Variants in CWC27 observed in about 807,000 individuals in gnomAD.
The protein encoded by CWC27 is CWC27 spliceosome associated cyclophilin.
CWC27 carries 47 observed loss-of-function variants against 63.6 expected under a neutral mutation model. The observed-to-expected ratio is 0.74, with a 90% confidence interval of 0.58 to 0.94. The LOEUF (loss-of-function observed/expected upper bound fraction) is 0.94, where lower values mean the gene tolerates loss of function less well. Ranked by LOEUF, CWC27 falls within the 40% of genes least tolerant of loss-of-function variation. CWC27 has a pLI of 0.00. For synonymous variants in CWC27, 175 were observed against 179.8 expected, an observed-to-expected ratio of 0.97 and a Z score of 0.22; for missense variants, 495 against 554.3, an observed-to-expected ratio of 0.89 and a Z score of 1.07.
chr5:64,876,038 G>A (rs555128739), intron 10 of CWC27, among the ~76,000 whole-genome samples: 5 of 152,092 alleles, frequency 3.3e-5, no homozygotes, highest in Admixed American at 1.3e-4. Context: ...TGTCCAATGC[G>A]GTACTGCTAG....
At chr5:64,885,737 GTT>G (rs1554074488) in intron 11 of CWC27, among the ~76,000 whole-genome samples, 191 bp downstream of exon 11, 8 of 141,652 alleles carry the variant, frequency 5.6e-5, no homozygotes, top group African/African-American at 2.1e-4. Context: ...GTGTGTGTGT[GTT>G]TTTAATACTT....
intron 6 of CWC27, among the ~76,000 whole-genome samples, chr5:64,787,250 T>C (rs1743921193): frequency 6.8e-6 from 1 of 147,004 alleles, no homozygotes; most frequent in Non-Finnish European, 1.5e-5. Context: ...GTTTGTTTGT[T>C]TTCCTAAATG....
chr5:64,924,538 C>T lies in CWC27; in HGVS notation c.1042+38992C>T, dbSNP rs180993488. On this transcript the variant is annotated intron_variant, in intron 11 of 13. Coordinates refer to ENST00000381070, the MANE Select transcript of CWC27 (RefSeq NM_005869.4). ...ATCTGCAGCAGCCTCTTCCTTCTAA[C>T]GGCAGTCTTCTTTTATCCTCCTATA... 3.9e-5 allele frequency among the ~76,000 whole-genome samples: 6 copies of T among 152,332 alleles called. No individual in the cohort carries two copies. The East Asian group carries it at 5.8e-4, about 15-fold the overall frequency.
chr5:64,837,486 G>A (rs912662171), intron 10 of CWC27, among the ~76,000 whole-genome samples: 4 of 151,694 alleles, frequency 2.6e-5, no homozygotes, highest in African/African-American at 9.7e-5. Flanking sequence ...AAACTCATGA[G>A]AAGATTCAAA....
At chr5:64,985,524 G>A (rs2112453561) in intron 13 of CWC27, among the ~76,000 whole-genome samples, 2 of 152,188 alleles carry the variant, frequency 1.3e-5, no homozygotes, top group East Asian at 3.9e-4. Context: ...TGTTTGTGGA[G>A]CTGTTATAAA....
chr5:64,927,331 A>C (rs534710051), intron 11 of CWC27, among the ~76,000 whole-genome samples: 1 of 152,326 alleles, frequency 6.6e-6, no homozygotes, highest in South Asian at 2.1e-4. Flanking sequence ...TGACGTTTAT[A>C]TTGTTCATTC....
intron 11 of CWC27, among the ~76,000 whole-genome samples, chr5:64,957,650 T>G (rs1748828094): frequency 6.6e-6 from 1 of 152,128 alleles, no homozygotes; most frequent in South Asian, 2.1e-4. Context: ...TACAGAAACA[T>G]CTGTAAAAAG....
chr5:64,985,096 G>T (rs1276276828), intron 13 of CWC27, among the ~76,000 whole-genome samples: 1 of 152,034 alleles, frequency 6.6e-6, no homozygotes, highest in East Asian at 1.9e-4. Context: ...TATTAATATG[G>T]GTCTTTTCTT....
At chr5:64,919,636 C>G (rs1282214440) in intron 11 of CWC27, among the ~76,000 whole-genome samples, 2 of 152,124 alleles carry the variant, frequency 1.3e-5, no homozygotes, top group Non-Finnish European at 2.9e-5. Flanking sequence ...TGTTAGTTAC[C>G]TTAGGATAAT....
intron 10 of CWC27, among the ~76,000 whole-genome samples, chr5:64,820,084 A>G (rs1194502514): frequency 6.6e-6 from 1 of 152,234 alleles, no homozygotes; most frequent in Non-Finnish European, 1.5e-5. Flanking sequence ...TAATATTTTA[A>G]GAGTGTTTGA....
chr5:64,961,922 T>C (rs1398354848), intron 11 of CWC27, among the ~76,000 whole-genome samples: 4 of 152,194 alleles, frequency 2.6e-5, no homozygotes, highest in Non-Finnish European at 1.5e-5. Context: ...CATTACTATC[T>C]GTTTAGCATG....
intron 12 of CWC27, among the ~76,000 whole-genome samples, chr5:64,973,383 G>T (rs1403894046): frequency 6.6e-6 from 1 of 152,202 alleles, no homozygotes; most frequent in Non-Finnish European, 1.5e-5. Flanking sequence ...CCAGTTGGGA[G>T]ACTCTTGTGT....
At position 64,917,955 on chromosome 5, in the gene CWC27, TAC is replaced by T. The variant is rs531972268; in HGVS notation, c.1042+32423_1042+32424del. ...ATACATACACACACACACACAAACA[TAC>T]ACACACACACACATTGGTTGTATAT... On this transcript the variant is annotated intron_variant, in intron 11 of 13. Transcript: ENST00000381070. Among the ~76,000 whole-genome samples, 7 of 150,774 alleles carry T rather than the reference TAC, an allele frequency of 4.6e-5. No individual in the cohort carries two copies. In the East Asian group the frequency reaches 9.8e-4, roughly 21 times the overall value.
intron 11 of CWC27, among the ~76,000 whole-genome samples, chr5:64,893,584 AG>A (rs35196318): frequency 0.36 from 55,249 of 151,968 alleles, 10,616 homozygotes; most frequent in East Asian, 0.52. Flanking sequence ...CACAAAACTC[AG>A]ATAATCCCTA....
intron 11 of CWC27, among the ~76,000 whole-genome samples, chr5:64,911,696 G>T (rs536622358): frequency 1.9e-3 from 287 of 152,226 alleles, no homozygotes; most frequent in African/African-American, 6.6e-3. Flanking sequence ...GAAGTCCAGG[G>T]TCTGCTAAGG....
At chr5:64,845,879 A>T (rs564977446) in intron 10 of CWC27, among the ~76,000 whole-genome samples, 3 of 152,362 alleles carry the variant, frequency 2.0e-5, no homozygotes, top group Admixed American at 6.5e-5. Context: ...AGGTACAAGA[A>T]GCACAGAAAT....
At chr5:64,861,057 C>G (rs1746400594) in intron 10 of CWC27, among the ~76,000 whole-genome samples, 1 of 152,144 alleles carries the variant, frequency 6.6e-6, no homozygotes, top group African/African-American at 2.4e-5. Context: ...CTAGAATACT[C>G]CGTGGATGTT....
At chr5:64,841,754 C>T (rs1341358555) in intron 10 of CWC27, among the ~76,000 whole-genome samples, 1 of 152,210 alleles carries the variant, frequency 6.6e-6, no homozygotes, top group Non-Finnish European at 1.5e-5. Context: ...CGGCTCACTG[C>T]AACCTCCGCC....
intron 13 of CWC27, among the ~76,000 whole-genome samples, chr5:64,979,985 A>G (rs974534143): frequency 2.0e-5 from 3 of 147,664 alleles, no homozygotes; most frequent in Non-Finnish European, 4.5e-5. Flanking sequence ...AAAAAAAAAA[A>G]GAGAGAGGGA....
Sources: gnomAD v4.1 joint callset for allele counts (sites outside exome capture counted in the v4.1 genomes callset) on GRCh38, gnomAD v4.1.1 for gene constraint, MANE v1.5 for transcripts, NCBI Gene and HGNC (gene_info 2026-07-23, HGNC 2026-07-21) for gene names.